The following SCN2A variants were observed in gnomAD, a reference collection of about 807,000 sequenced individuals.
The protein encoded by SCN2A is sodium voltage-gated channel alpha subunit 2.
Under a neutral mutation model 188.7 loss-of-function variants are expected in SCN2A, and 20 were observed. That is an observed-to-expected ratio of 0.11 (90% CI 0.07 to 0.15). The LOEUF (loss-of-function observed/expected upper bound fraction) is 0.15. Among genes scored for constraint, SCN2A ranks in the 10% least tolerant of loss-of-function variants. The pLI is 1.00. For synonymous variants in SCN2A, 804 were observed against 833.1 expected (o/e 0.97, Z 0.60); for missense variants, 1,278 against 2,445.0 (o/e 0.52, Z 10.07).
chr2:165,376,756 AG>A (rs1701336846), intron 22 of SCN2A, among the ~76,000 whole-genome samples: 1 of 151,544 alleles, frequency 6.6e-6, no homozygotes, highest in Non-Finnish European at 1.5e-5. Flanking sequence ...AGAAAGAGAG[AG>A]AGACTTTCAA....
At chr2:165,250,155 G>C (rs1333729667) in intron 1 of SCN2A, among the ~76,000 whole-genome samples, 3 of 151,924 alleles carry the variant, frequency 2.0e-5, no homozygotes, top group Non-Finnish European at 4.4e-5. Flanking sequence ...ATATTGTTTT[G>C]TATGGTTCTA....
chr2:165,259,562 A>G (rs550502771), intron 1 of SCN2A, among the ~76,000 whole-genome samples: 76 of 152,348 alleles, frequency 5.0e-4, no homozygotes, highest in African/African-American at 1.7e-3. Context: ...AGTAGATTCC[A>G]TCTCAAGAAA....
At chr2:165,364,342 G>A (rs1700613744) in intron 17 of SCN2A, among the ~76,000 whole-genome samples, 1 of 152,086 alleles carries the variant, frequency 6.6e-6, no homozygotes, top group Admixed American at 6.6e-5. Flanking sequence ...TCCCAAGAAT[G>A]GACCGACCTG....
chr2:165,378,927 G>A (rs1387113605), intron 23 of SCN2A, among the ~76,000 whole-genome samples: 1 of 151,564 alleles, frequency 6.6e-6, no homozygotes, highest in African/African-American at 2.4e-5. Context: ...CTACCAGATT[G>A]GCAATACCAA....
intron 23 of SCN2A, among the ~76,000 whole-genome samples, chr2:165,379,489 G>A (rs1186143655): frequency 6.6e-6 from 1 of 151,736 alleles, no homozygotes; most frequent in East Asian, 1.9e-4. Context: ...TTATGTTTGA[G>A]AAGGGTACAC....
chr2:165,353,642 C>T (rs1249700519), intron 16 of SCN2A, among the ~76,000 whole-genome samples: 1 of 152,094 alleles, frequency 6.6e-6, no homozygotes, highest in Non-Finnish European at 1.5e-5. Context: ...CAAAGTGGAG[C>T]AAGCATTTCA....
At chr2:165,339,039 G>A in intron 14 of SCN2A, among the ~76,000 whole-genome samples, 1 of 152,110 alleles carries the variant, frequency 6.6e-6, no homozygotes, top group East Asian at 1.9e-4. Context: ...GGCCAACATA[G>A]TGAAACCCCG....
intron 8 of SCN2A, 71 bp downstream of exon 8, chr2:165,312,159 T>A (rs1697470930): frequency 9.1e-7 from 1 of 1,103,470 alleles, no homozygotes; most frequent in African/African-American, 1.5e-5. Context: ...CACCTCCCAC[T>A]CATCCAGTCC....
intron 14 of SCN2A, among the ~76,000 whole-genome samples, chr2:165,338,551 C>T (rs12104733): frequency 0.019 from 2,930 of 152,120 alleles, 89 homozygotes; most frequent in African/African-American, 0.064. Flanking sequence ...TGAGCCACCA[C>T]GCCGGGCCAG....
chr2:165,262,988 A>G (rs1391339893), intron 1 of SCN2A, among the ~76,000 whole-genome samples: 2 of 152,018 alleles, frequency 1.3e-5, no homozygotes, highest in African/African-American at 2.4e-5. Context: ...TTTCCCTGAT[A>G]ATTAGTGATG....
intron 3 of SCN2A, among the ~76,000 whole-genome samples, chr2:165,299,865 A>T (rs367873485): frequency 6.6e-6 from 1 of 152,226 alleles, no homozygotes. Context: ...GGAGCCATTC[A>T]TGTTAAATAA....
In SCN2A at chr2:165,309,356, G is replaced by A; in HGVS notation, c.610G>A (p.Val204Met). Residue 204 changes from valine (V) to methionine (M), a missense_variant, in exon 6 of 27, where the codon GTG (valine) becomes ATG (methionine). Val to Met is a conservative substitution (Grantham distance 21). Transcript: ENST00000375437. ...LDFTVITFAY[V>M]TEFVDLGNVS... is the part of the protein sequence containing the mutation. ...TGTGTGAACCCCCTATTACAGATAT[G>A]TGACAGAGTTTGTGGACCTGGGCAA... 1 of 1,613,658 alleles carries A rather than the reference G, an allele frequency of 6.2e-7. No homozygotes were observed. The highest frequency in any genetic ancestry group is 8.5e-7 in the Non-Finnish European group (1 of 1,179,714).
Position 165,389,832 on chromosome 2 carries a change from C to T in SCN2A, c.*8C>T. ...AGGGAAAGTAAAAAGTAAAAAGAAACCAAGAATTTTCCATTTTGTGATCAA... is the reference window on the plus strand; with the variant it reads ...AGGGAAAGTAAAAAGTAAAAAGAAATCAAGAATTTTCCATTTTGTGATCAA... On this transcript the variant is annotated 3_prime_UTR_variant, in exon 27 of 27. Coordinates refer to ENST00000375437, the MANE Select transcript of SCN2A (RefSeq NM_001040142.2). The surrounding 1 kb of genome is among the most constrained non-coding windows in gnomAD (Gnocchi z 4.2). 6.3e-7 allele frequency: 1 copy of T among 1,595,512 alleles called. No individual in the cohort carries two copies. Among genetic ancestry groups the T allele is most frequent in the Non-Finnish European group, 8.5e-7 (1 of 1,170,554 alleles).
At chr2:165,265,901 A>G (rs898407939) in intron 1 of SCN2A, among the ~76,000 whole-genome samples, 24 of 151,054 alleles carry the variant, frequency 1.6e-4, no homozygotes, top group African/African-American at 5.8e-4. Flanking sequence ...AGCTCATTGC[A>G]GTCTTGAAAT....
At chr2:165,356,958 A>T (rs1700212138) in intron 17 of SCN2A, among the ~76,000 whole-genome samples, 1 of 152,210 alleles carries the variant, frequency 6.6e-6, no homozygotes, top group African/African-American at 2.4e-5. Context: ...AAGAGAACTG[A>T]CCTGCCAGGT....
chr2:165,296,729 A>G (rs966029052), intron 2 of SCN2A: 7 of 206,060 alleles, frequency 3.4e-5, no homozygotes, highest in Admixed American at 1.7e-4. Flanking sequence ...TATGTGAATT[A>G]TAAATGCGGT....
chr2:165,354,493 C>T lies in SCN2A; in HGVS notation c.3221C>T (p.Thr1074Ile). The T allele has an allele frequency of 6.2e-7, 1 of 1,614,052 alleles. No individual in the cohort carries two copies. ...DLNYLKDGNGTTSGIGSSVEK... is the reference protein window; with the variant it reads ...DLNYLKDGNGITSGIGSSVEK... Reference sequence around the variant, plus strand: ...AATTATCTCAAAGACGGAAATGGAACTACTAGTGGCATAGGCAGCAGTGTA... The same window carrying T: ...AATTATCTCAAAGACGGAAATGGAATTACTAGTGGCATAGGCAGCAGTGTA... The change falls in exon 17 of 27, where the codon ACT becomes ATT. Residue 1074 changes from threonine to isoleucine, a missense_variant. Physicochemically the swap from Thr to Ile is moderately conservative, Grantham distance 89. This residue lies in a region of SCN2A where 228 missense variants were observed against 297.3 expected (regional missense o/e 0.77). Coordinates refer to ENST00000375437, the MANE Select transcript of SCN2A (RefSeq NM_001040142.2).
rs189480984 is a variant in SCN2A at position 165,362,232 on chromosome 2, A to G, written c.3400-2911A>G. Among the ~76,000 whole-genome samples the G allele has an allele frequency of 6.6e-5, 10 of 152,176 alleles. No individual in the cohort carries two copies. In the East Asian group the frequency reaches 1.5e-3, roughly 23 times the overall value. ...GGAAAAAGTAAAAACTTGACCTTTC[A>G]ATAGATAAATATTTGGCTTTAGGAA... is the stretch of plus-strand genomic sequence containing the variant. On this transcript the variant is annotated intron_variant, in intron 17 of 26. Transcript: ENST00000375437.
Position 165,373,359 on chromosome 2 carries a change from T to C in SCN2A, c.3972+12T>C. The C allele has an allele frequency of 6.2e-7, 1 of 1,612,870 alleles. No individual in the cohort carries two copies. The highest frequency in any genetic ancestry group is 8.5e-7 in the Non-Finnish European group (1 of 1,179,114). Reference sequence around the variant, plus strand: ...TTGAAGGAATGAGGGTAAGACTGAATGCCTTAGAGTTTGTCAGAATTATTA... The same window carrying C: ...TTGAAGGAATGAGGGTAAGACTGAACGCCTTAGAGTTTGTCAGAATTATTA... On this transcript the variant is annotated intron_variant, in intron 21 of 26. Transcript: ENST00000375437.
Sources: allele counts gnomAD v4.1 joint callset (sites outside exome capture counted in the v4.1 genomes callset), GRCh38; gene constraint gnomAD v4.1.1; regional missense constraint gnomAD v4.1.1; non-coding constraint Gnocchi (gnomAD v3.1); transcripts MANE v1.5; gene names NCBI Gene and HGNC (gene_info 2026-07-23, HGNC 2026-07-21).